The following WDFY3 variants were observed in gnomAD, a reference collection of about 807,000 sequenced individuals.
WDFY3 encodes WD repeat and FYVE domain containing 3.
Under a neutral mutation model 409.6 loss-of-function variants are expected in WDFY3, and 66 were observed. That is an observed-to-expected ratio of 0.16 (90% CI 0.13 to 0.20). The LOEUF is 0.20. WDFY3 is among the 10% of genes least tolerant of loss of function. The probability of loss-of-function intolerance (pLI) is 1.00; values close to 1 mark genes in which losing one functional copy is unlikely to be tolerated. For missense variants in WDFY3, 3,031 were observed against 4,298.1 expected, an observed-to-expected ratio of 0.71 and a Z score of 8.24; for synonymous variants, 1,521 against 1,537.1, an observed-to-expected ratio of 0.99 and a Z score of 0.25.
At chr4:84,762,372 C>G (rs1742793942) in intron 32 of WDFY3, among the ~76,000 whole-genome samples, 1 of 149,484 alleles carries the variant, frequency 6.7e-6, no homozygotes, top group Non-Finnish European at 1.5e-5. Flanking sequence ...AACAAAAAAC[C>G]AAACACTGCA....
chr4:84,678,548 C>T (rs150222205), intron 65 of WDFY3, among the ~76,000 whole-genome samples: 11 of 152,298 alleles, frequency 7.2e-5, no homozygotes, highest in African/African-American at 2.4e-4. Flanking sequence ...TCCAATTTCT[C>T]CAATTGAGGA....
At chr4:84,708,768 T>C (rs1031140261) in intron 53 of WDFY3, 141 bp downstream of exon 53, 2 of 848,006 alleles carry the variant, frequency 2.4e-6, no homozygotes, top group Non-Finnish European at 3.5e-6. Flanking sequence ...CTCAAAATCC[T>C]GGGCTCAAGT....
At chr4:84,702,865 G>C (rs903955319) in intron 55 of WDFY3, among the ~76,000 whole-genome samples, 3 of 152,142 alleles carry the variant, frequency 2.0e-5, no homozygotes, top group Non-Finnish European at 4.4e-5. Flanking sequence ...CGGAGGCCGA[G>C]GCGGGCGGAT....
chr4:84,884,238 G>A (rs369944359), intron 3 of WDFY3, among the ~76,000 whole-genome samples: 1 of 151,846 alleles, frequency 6.6e-6, no homozygotes, highest in African/African-American at 2.4e-5. Context: ...TACCAGTGTT[G>A]ATTACTTAAA....
chr4:84,901,814 C>A (rs145942707), intron 2 of WDFY3, among the ~76,000 whole-genome samples: 1 of 152,300 alleles, frequency 6.6e-6, no homozygotes, highest in Non-Finnish European at 1.5e-5. Flanking sequence ...AATCCATTCA[C>A]AACGGAACAT....
At chr4:84,939,602 A>G (rs1205262418) in intron 1 of WDFY3, among the ~76,000 whole-genome samples, 1 of 152,058 alleles carries the variant, frequency 6.6e-6, no homozygotes, top group Non-Finnish European at 1.5e-5. Context: ...TTTTATTATC[A>G]TTATGGATTT....
chr4:84,728,195 C>T (rs1735979753), intron 44 of WDFY3, among the ~76,000 whole-genome samples: 1 of 152,008 alleles, frequency 6.6e-6, no homozygotes, highest in Non-Finnish European at 1.5e-5. Context: ...TCAACCTGCT[C>T]TGAAATTCAT....
intron 44 of WDFY3, among the ~76,000 whole-genome samples, chr4:84,730,617 G>A (rs1319139653): frequency 6.6e-6 from 1 of 152,072 alleles, no homozygotes; most frequent in East Asian, 1.9e-4. Context: ...AATATTAACT[G>A]TACTTCAGAG....
At chr4:84,940,137 A>G (rs1282948958) in intron 1 of WDFY3, among the ~76,000 whole-genome samples, 1 of 152,126 alleles carries the variant, frequency 6.6e-6, no homozygotes, top group East Asian at 1.9e-4. Context: ...ACCTCAAAAC[A>G]TTTACTCAAT....
In WDFY3 at chr4:84,801,632, G is replaced by A. The variant is rs764490759; in HGVS notation, c.2822+18C>T. ...ACATTACTAATTGTGGACTATTTGA[G>A]TATGAAAGAGAACTTACCTCAACAC... On this transcript the variant is annotated intron_variant, in intron 17 of 67. Transcript: ENST00000295888. 31 of 1,593,566 alleles carry A rather than the reference G, an allele frequency of 1.9e-5. No individual in the cohort carries two copies. The highest frequency in any genetic ancestry group is 2.5e-5 in the Non-Finnish European group (29 of 1,167,384).
chr4:84,808,322 T>A lies in WDFY3; in HGVS notation c.2429+12A>T. On this transcript the variant is annotated intron_variant, in intron 15 of 67. Coordinates refer to ENST00000295888, the MANE Select transcript of WDFY3 (RefSeq NM_014991.6). The stretch of plus-strand genomic sequence containing the variant: ...CACAAATAGAGACTGACTTCTCTTA[T>A]ATGATCAGTACCTTTTCCTGGACAA... 6.2e-7 allele frequency: 1 copy of A among 1,608,260 alleles called. No individual in the cohort carries two copies. The highest frequency in any genetic ancestry group is 8.5e-7 in the Non-Finnish European group (1 of 1,175,452).
intron 36 of WDFY3, among the ~76,000 whole-genome samples, chr4:84,744,726 G>A (rs1039239596): frequency 4.0e-5 from 6 of 149,530 alleles, no homozygotes; most frequent in East Asian, 2.0e-4. Context: ...AGTGGCGGGC[G>A]CCTGTAGTCC....
chr4:84,890,728 C>T (rs1408802205), intron 3 of WDFY3, among the ~76,000 whole-genome samples: 2 of 152,192 alleles, frequency 1.3e-5, no homozygotes, highest in Admixed American at 1.3e-4. Context: ...AACACTGCCA[C>T]TGTAGCGTGA....
chr4:84,721,470 A>G lies in WDFY3; in HGVS notation c.7544T>C (p.Ile2515Thr). The change falls in exon 47 of 68, where the codon ATA (isoleucine) becomes ACA (threonine). Residue 2515 changes from isoleucine (I) to threonine (T), a missense_variant. By Grantham distance (89) the Ile-to-Thr change is moderately conservative. Coordinates refer to ENST00000295888, the MANE Select transcript of WDFY3 (RefSeq NM_014991.6). ...ATTATCTGTTTTCTCCTCCTCTTCT[A>G]TGGAGCTGCCCTCAGCAATCTGGTC... ...LQDQIAEGSS[I>T]EEEEKTDNAT... 1.9e-6 allele frequency: 3 copies of G among 1,613,512 alleles called. No homozygotes were observed. Among genetic ancestry groups the G allele is most frequent in the South Asian group, 2.2e-5 (2 of 91,080 alleles).
chr4:84,727,809 C>T (rs973917975), intron 44 of WDFY3, among the ~76,000 whole-genome samples: 1 of 152,140 alleles, frequency 6.6e-6, no homozygotes, highest in Non-Finnish European at 1.5e-5. Context: ...GCCCACTAGG[C>T]ATACTTACAA....
chr4:84,795,163 A>G (rs934458135), intron 19 of WDFY3, among the ~76,000 whole-genome samples, 184 bp from the exon 20 acceptor site: 3 of 152,280 alleles, frequency 2.0e-5, no homozygotes, highest in Middle Eastern at 3.4e-3. Context: ...CAAAAGACAT[A>G]ATTTTAAAAT....
chr4:84,869,039 C>T (rs1360168689), intron 3 of WDFY3, among the ~76,000 whole-genome samples: 2 of 152,186 alleles, frequency 1.3e-5, no homozygotes, highest in African/African-American at 2.4e-5. Context: ...ATTCTACATA[C>T]GTTTGCTAAC....
intron 36 of WDFY3, among the ~76,000 whole-genome samples, chr4:84,744,852 C>CAAAAAAAA (rs1165273561): frequency 1.3e-4 from 2 of 15,740 alleles, no homozygotes; most frequent in African/African-American, 4.9e-4. Flanking sequence ...GACTCCGTCT[C>CAAAAAAAA]AAAAAAAAAA....
At chr4:84,850,226 T>C (rs904426195) in intron 4 of WDFY3, among the ~76,000 whole-genome samples, 21 of 152,212 alleles carry the variant, frequency 1.4e-4, no homozygotes, top group Admixed American at 6.5e-4. Context: ...TATAAATTTG[T>C]TGAAGAAATG....
Sources: allele counts gnomAD v4.1 joint callset (sites outside exome capture counted in the v4.1 genomes callset), GRCh38; gene constraint gnomAD v4.1.1; transcripts MANE v1.5; gene names NCBI Gene and HGNC (gene_info 2026-07-23, HGNC 2026-07-21).